PRDM6: variants seen among roughly 807,000 people sequenced by gnomAD.
PRDM6 encodes PR/SET domain 6.
A neutral mutation model predicts 60.8 loss-of-function variants in PRDM6; 25 were observed. That is an observed-to-expected ratio of 0.41 (90% CI 0.30 to 0.57). PRDM6 has a LOEUF of 0.57. Among genes scored for constraint, PRDM6 ranks in the 20% least tolerant of loss-of-function variants. PRDM6 has a pLI of 0.27. For synonymous variants in PRDM6, 407 were observed against 357.4 expected, an observed-to-expected ratio of 1.14 and a Z score of -1.57; for missense variants, 839 against 821.3, an observed-to-expected ratio of 1.02 and a Z score of -0.26.
chr5:123,155,796 A>C (rs1047261414), intron 3 of PRDM6, 88 bp from the exon 4 acceptor site: 5 of 1,438,470 alleles, frequency 3.5e-6, no homozygotes, highest in Non-Finnish European at 4.6e-6. Flanking sequence ...AAATTTCTGC[A>C]GCTGACACAT....
intron 6 of PRDM6, among the ~76,000 whole-genome samples, chr5:123,177,827 AG>A (rs1330119660): frequency 6.6e-6 from 1 of 152,206 alleles, no homozygotes; most frequent in Non-Finnish European, 1.5e-5. Flanking sequence ...CAGGCAGATG[AG>A]AAGACAGGTC....
chr5:123,103,402 G>C (rs199875080), intron 3 of PRDM6, among the ~76,000 whole-genome samples: 1 of 152,038 alleles, frequency 6.6e-6, no homozygotes, highest in East Asian at 1.9e-4. Flanking sequence ...ACTTGCCTTG[G>C]TTATATATAT....
chr5:123,134,476 G>A (rs562709227), intron 3 of PRDM6, among the ~76,000 whole-genome samples: 1 of 152,180 alleles, frequency 6.6e-6, no homozygotes, highest in South Asian at 2.1e-4. Context: ...AACCAAATAT[G>A]AATTGATATA....
chr5:123,174,911 TC>T (rs1411339706), intron 6 of PRDM6, among the ~76,000 whole-genome samples: 1 of 152,240 alleles, frequency 6.6e-6, no homozygotes, highest in South Asian at 2.1e-4. Context: ...AATCTCTTCC[TC>T]CTTTTTCCCA....
At chr5:123,155,574 A>C (rs1312616289) in intron 3 of PRDM6, among the ~76,000 whole-genome samples, 1 of 152,122 alleles carries the variant, frequency 6.6e-6, no homozygotes, top group African/African-American at 2.4e-5. Context: ...TTTATCCAGC[A>C]GCTCATTATT....
At chr5:123,143,757 T>C (rs1554088616) in intron 3 of PRDM6, among the ~76,000 whole-genome samples, 1 of 152,048 alleles carries the variant, frequency 6.6e-6, no homozygotes, top group Non-Finnish European at 1.5e-5. Context: ...TCTTGATATA[T>C]TGAAAAATGA....
intron 3 of PRDM6, among the ~76,000 whole-genome samples, chr5:123,139,911 A>C (rs1479532912): frequency 1.3e-5 from 2 of 152,094 alleles, no homozygotes; most frequent in African/African-American, 4.8e-5. Context: ...ATGCTGCAGG[A>C]AGGGCTTCTG....
In PRDM6 at chr5:123,192,131, G is replaced by A. The variant is rs530702565; in HGVS notation, c.*4930G>A. Reference sequence around the variant, plus strand: ...TTTAATGGAAAAATAAGGACATTCTGCGCTTATTCCCACAGAGGTTGATGG... The same window carrying A: ...TTTAATGGAAAAATAAGGACATTCTACGCTTATTCCCACAGAGGTTGATGG... On this transcript the variant is annotated 3_prime_UTR_variant, in exon 8 of 8. Coordinates refer to ENST00000407847, the MANE Select transcript of PRDM6 (RefSeq NM_001136239.4). 1 of 152,290 alleles carries A rather than the reference G, an allele frequency of 6.6e-6. No homozygotes were observed. Among genetic ancestry groups the A allele is most frequent in the East Asian group, 1.9e-4 (1 of 5,178 alleles). The allele number at this position is 152,290 out of a possible 1,614,324, so 9.4% of individuals were successfully genotyped here. A position where few individuals can be genotyped will look rare whatever the true frequency, so the allele number is the denominator to read the frequency against.
Position 123,090,409 on chromosome 5 carries a change from T to G in PRDM6, c.395T>G (p.Leu132Arg), listed in dbSNP as rs1263247681. 4.1e-6 allele frequency: 6 copies of G among 1,458,564 alleles called. No individual in the cohort carries two copies. The highest frequency in any genetic ancestry group is 5.4e-6 in the Non-Finnish European group (6 of 1,112,340). The allele number at this position is 1,458,564 out of a possible 1,614,324, so 90.4% of individuals were successfully genotyped here. The change falls in exon 2 of 8, where the codon CTG becomes CGG. Residue 132 changes from leucine to arginine, a missense_variant. Coordinates refer to ENST00000407847, the MANE Select transcript of PRDM6 (RefSeq NM_001136239.4). The part of the protein sequence containing the change: ...LAAAAVAAEP[L>R]PPKELCLGAT... ...GCCGCTGCCGTCGCCGCCGAGCCGC[T>G]GCCCCCCAAGGAACTGTGCCTCGGC...
intron 2 of PRDM6, among the ~76,000 whole-genome samples, chr5:123,097,182 T>C (rs1361278456): frequency 6.6e-6 from 1 of 152,252 alleles, no homozygotes; most frequent in Non-Finnish European, 1.5e-5. Context: ...TTCAAAATTA[T>C]AGACATTATC....
chr5:123,154,254 C>A (rs1325007909), intron 3 of PRDM6, among the ~76,000 whole-genome samples: 1 of 152,028 alleles, frequency 6.6e-6, no homozygotes, highest in African/African-American at 2.4e-5. Context: ...CAGATGTAGC[C>A]ACCCCATGCA....
At chr5:123,183,125 CA>C (rs1766203812) in intron 7 of PRDM6, among the ~76,000 whole-genome samples, 1 of 152,120 alleles carries the variant, frequency 6.6e-6, no homozygotes, top group Non-Finnish European at 1.5e-5. Flanking sequence ...TTCTCTACAA[CA>C]GTTAATTTTA....
chr5:123,106,438 G>A (rs971197474), intron 3 of PRDM6, among the ~76,000 whole-genome samples: 1 of 152,144 alleles, frequency 6.6e-6, no homozygotes, highest in Admixed American at 6.5e-5. Context: ...AAAAAATGGC[G>A]CAGCATTAGA....
intron 3 of PRDM6, among the ~76,000 whole-genome samples, chr5:123,138,792 C>A (rs1037859531): frequency 1.3e-5 from 2 of 152,158 alleles, no homozygotes; most frequent in African/African-American, 4.8e-5. Flanking sequence ...TTGGAAATGT[C>A]ACCTGGTCTA....
intron 3 of PRDM6, among the ~76,000 whole-genome samples, chr5:123,105,921 C>T (rs188368963): frequency 1.3e-5 from 2 of 152,336 alleles, no homozygotes; most frequent in East Asian, 3.9e-4. Context: ...GTTGACCTTT[C>T]GTCATGTCAA....
In PRDM6 at chr5:123,189,046, T is replaced by A. The variant is rs891199158; in HGVS notation, c.*1845T>A. 6.6e-6 allele frequency: 1 copy of A among 152,210 alleles called. No individual in the cohort carries two copies. Among genetic ancestry groups the A allele is most frequent in the African/African-American group, 2.4e-5 (1 of 41,454 alleles). 9.4% of individuals were successfully genotyped at this position (152,210 alleles called of 1,614,324 possible). ...GAATTTTCCTCCAGTTCTTACTATC[T>A]CCTGGTCATGAAAGTAGTAAGGAAT... On this transcript the variant is annotated 3_prime_UTR_variant, in exon 8 of 8. Transcript: ENST00000407847.
intron 2 of PRDM6, among the ~76,000 whole-genome samples, chr5:123,094,233 C>T (rs1472080077): frequency 6.6e-6 from 1 of 152,194 alleles, no homozygotes; most frequent in Non-Finnish European, 1.5e-5. Context: ...AATCCCTTCC[C>T]ACCCAGGTGG....
intron 3 of PRDM6, among the ~76,000 whole-genome samples, chr5:123,114,700 A>G (rs183241922): frequency 6.6e-6 from 1 of 152,380 alleles, no homozygotes; most frequent in Admixed American, 6.5e-5. Context: ...AGAAAAATGA[A>G]TGACTCTTGT....
At chr5:123,153,485 G>T (rs1765419825) in intron 3 of PRDM6, among the ~76,000 whole-genome samples, 1 of 152,188 alleles carries the variant, frequency 6.6e-6, no homozygotes, top group African/African-American at 2.4e-5. Context: ...TGGGGTTTAA[G>T]TAGGTGCATG....
Sources: gnomAD v4.1 joint callset for allele counts (sites outside exome capture counted in the v4.1 genomes callset) on GRCh38, gnomAD v4.1.1 for gene constraint, MANE v1.5 for transcripts, NCBI Gene and HGNC (gene_info 2026-07-23, HGNC 2026-07-21) for gene names.